The following DHX33 variants were observed in gnomAD, a reference collection of about 807,000 sequenced individuals.
DHX33 encodes the protein DEAH-box helicase 33.
A neutral mutation model predicts 72.5 loss-of-function variants in DHX33; 42 were observed. The ratio of observed to expected loss-of-function variants is 0.58; its 90% confidence interval spans 0.45 to 0.75. The LOEUF (loss-of-function observed/expected upper bound fraction) is 0.75. Ranked by LOEUF, DHX33 falls within the 30% of genes least tolerant of loss-of-function variation. DHX33 has a pLI of 0.00. For synonymous variants in DHX33, 358 were observed against 366.1 expected (o/e 0.98, Z 0.25); for missense variants, 842 against 917.5 (o/e 0.92, Z 1.06).
rs1916583497 is a variant in DHX33, at chr17:5,444,803, C to G, written c.1816-290G>C. On this transcript the variant is annotated intron_variant, in intron 11 of 11. Transcript: ENST00000225296. This position sits in a 1 kb window ranked among gnomAD's most constrained non-coding sequence, Gnocchi z 4.9. The stretch of plus-strand genomic sequence containing the variant: ...CCAGACCACAGGCAGGTTGGGTGAC[C>G]CACCCCTCACCTAAATTCCATCAGG... Among the ~76,000 whole-genome samples, 1 of 152,032 alleles carries G rather than the reference C, an allele frequency of 6.6e-6. No homozygotes were observed. The highest frequency in any genetic ancestry group is 1.5e-5 in the Non-Finnish European group (1 of 68,010).
In DHX33 at chr17:5,457,104, C is replaced by T. The variant is rs566909487; in HGVS notation, c.850-922G>A. The stretch of plus-strand genomic sequence containing the variant: ...GCCAGATCACCTGAGGTCAGGAGTT[C>T]GAGACCAGCTTGACCAACATGGTGA... On this transcript the variant is annotated intron_variant, in intron 4 of 11. Transcript: ENST00000225296. Among the ~76,000 whole-genome samples, 120 of 152,082 alleles carry T rather than the reference C, an allele frequency of 7.9e-4. 1 individual carries two copies. Among genetic ancestry groups the T allele is most frequent in the Non-Finnish European group, 9.1e-4 (62 of 67,978 alleles).
At chr17:5,455,357 C>T (rs1261432226) in intron 5 of DHX33, 86 bp from the exon 6 acceptor site, 2 of 1,073,514 alleles carry the variant, frequency 1.9e-6, no homozygotes, top group Non-Finnish European at 2.8e-6. Flanking sequence ...TTAACTTCCA[C>T]AATTCACTCT....
chr17:5,445,924 T>C (rs575535269), intron 11 of DHX33, among the ~76,000 whole-genome samples: 4 of 152,340 alleles, frequency 2.6e-5, no homozygotes, highest in South Asian at 2.1e-4. Flanking sequence ...TTGTCCTTTA[T>C]GATGGCTCTA....
rs766813867 is a variant in DHX33 at position 5,461,057 on chromosome 17, T to C, written c.731A>G (p.Asn244Ser). The C allele has an allele frequency of 2.4e-5, 38 of 1,613,632 alleles. No individual in the cohort carries two copies. The Middle Eastern group carries it at 4.9e-4, about 21-fold the overall frequency. Residue 244 changes from asparagine (N) to serine (S), a missense_variant, in exon 4 of 12, where the codon AAT (asparagine) becomes AGT (serine). Physicochemically the swap from Asn to Ser is conservative, Grantham distance 46 (BLOSUM62 1). Coordinates refer to ENST00000225296, the MANE Select transcript of DHX33 (RefSeq NM_020162.4). ...MDVDLFSQYF[N>S]GAPVLYLEGR... ...CTCTAGGTAGAGGACGGGGGCGCCA[T>C]TGAAATACTGAGAGAACAGGTCCAC... is the stretch of plus-strand genomic sequence containing the variant.
chr17:5,468,105 A>C (rs1904957430), intron 1 of DHX33, among the ~76,000 whole-genome samples: 1 of 152,078 alleles, frequency 6.6e-6, no homozygotes, highest in Non-Finnish European at 1.5e-5. Flanking sequence ...TGGGGATCAT[A>C]AGCCCCATGA....
At chr17:5,456,855 C>G (rs374251178) in intron 4 of DHX33, among the ~76,000 whole-genome samples, 1 of 152,170 alleles carries the variant, frequency 6.6e-6, no homozygotes, top group Non-Finnish European at 1.5e-5. Flanking sequence ...GGAGAAGGAG[C>G]CTTTAATGAA....
rs747326971 is a variant in DHX33, at chr17:5,444,429, C to T, written c.1900G>A (p.Glu634Lys). The part of the protein sequence containing the change: ...LAHSLFMSTA[E>K]LQPDGTYATT... ...GCATAGGTGCCATCTGGCTGAAGCT[C>T]GGCGGTGCTCATGAAGAGGCTGTGA... Residue 634 changes from glutamate (E) to lysine (K), a missense_variant, in exon 12 of 12, where the codon GAG (glutamate) becomes AAG (lysine). Transcript: ENST00000225296. This position sits in a 1 kb window ranked among gnomAD's most constrained non-coding sequence, Gnocchi z 4.9. 13 of 1,614,082 alleles carry T rather than the reference C, an allele frequency of 8.1e-6. No individual in the cohort carries two copies. Among genetic ancestry groups the T allele is most frequent in the African/African-American group, 4.0e-5 (3 of 74,920 alleles).
chr17:5,443,263 G>A lies in DHX33; in HGVS notation c.*942C>T, dbSNP rs973798974. The A allele has an allele frequency of 2.0e-4, 23 of 115,808 alleles. No individual in the cohort carries two copies. Among genetic ancestry groups the A allele is most frequent in the African/African-American group, 6.3e-4 (19 of 29,990 alleles). 7.2% of individuals were successfully genotyped at this position (115,808 alleles called of 1,614,324 possible). On this transcript the variant is annotated 3_prime_UTR_variant, in exon 12 of 12. Transcript: ENST00000225296. ...ACCCCCTCTGACCAGGGGACTGCCCGAAAAGAAACAGCTGAAATGGTACAC... is the reference window on the plus strand; with the variant it reads ...ACCCCCTCTGACCAGGGGACTGCCCAAAAAGAAACAGCTGAAATGGTACAC...
chr17:5,455,447 G>A (rs573474095), intron 5 of DHX33, among the ~76,000 whole-genome samples, 176 bp from the exon 6 acceptor site: 2 of 152,316 alleles, frequency 1.3e-5, no homozygotes, highest in South Asian at 4.1e-4. Flanking sequence ...AGGGGAAGGG[G>A]ACGCTGCAGT....
Position 5,450,360 on chromosome 17 carries a change from G to A in DHX33, c.1571C>T (p.Thr524Ile). ...GTCCACAGACAGCAGGGAGACAATG[G>A]TCAGGATCTCCTCTGTACAGTGGAA... ...PKFHCTEEIL[T>I]IVSLLSVDSV... The change falls in exon 10 of 12, where the codon ACC becomes ATC. Residue 524 changes from threonine to isoleucine, a missense_variant. Coordinates refer to ENST00000225296, the MANE Select transcript of DHX33 (RefSeq NM_020162.4). 1 of 1,614,214 alleles carries A rather than the reference G, an allele frequency of 6.2e-7. No homozygotes were observed. The highest frequency in any genetic ancestry group is 8.5e-7 in the Non-Finnish European group (1 of 1,180,050).
Position 5,468,935 on chromosome 17 carries a change from C to A in DHX33, c.-76G>T. 2 of 1,477,444 alleles carry A rather than the reference C, an allele frequency of 1.4e-6. No homozygotes were observed. Among genetic ancestry groups the A allele is most frequent in the Non-Finnish European group, 1.8e-6 (2 of 1,094,430 alleles). The allele number at this position is 1,477,444 out of a possible 1,614,324, so 91.5% of individuals were successfully genotyped here. On this transcript the variant is annotated 5_prime_UTR_variant, in exon 1 of 12. Transcript: ENST00000225296. ...CTCTCAGGTGCAGACAACAGGAGCA[C>A]ACCGCCCCTTCCTCGCCGCCACGTG...
intron 2 of DHX33, 48 bp downstream of exon 2, chr17:5,463,481 A>T (rs1451986835): frequency 1.3e-6 from 2 of 1,577,714 alleles, no homozygotes; most frequent in Non-Finnish European, 8.7e-7. Flanking sequence ...GCATGGGGAG[A>T]GAGCTGTTGA....
At chr17:5,461,574 C>T (rs1261302138) in intron 3 of DHX33, among the ~76,000 whole-genome samples, 2 of 149,818 alleles carry the variant, frequency 1.3e-5, no homozygotes, top group South Asian at 4.2e-4. Context: ...GCTGAGATCG[C>T]GTCACCACGC....
rs147557258 is a variant in DHX33 at position 5,456,418 on chromosome 17, G to A, written c.850-236C>T. The stretch of plus-strand genomic sequence containing the variant: ...ACCCAGCACTTTGGGAGGCTGAGGC[G>A]GGAGGATCGTTTGCAGCCAGGAGTT... On this transcript the variant is annotated intron_variant, in intron 4 of 11. Coordinates refer to ENST00000225296, the MANE Select transcript of DHX33 (RefSeq NM_020162.4). 3.5e-3 allele frequency among the ~76,000 whole-genome samples: 527 copies of A among 152,186 alleles called. 3 individuals are homozygous for A. Among genetic ancestry groups the A allele is most frequent in the African/African-American group, 0.012 (501 of 41,520 alleles).
At chr17:5,450,694 A>T in intron 9 of DHX33, 113 bp downstream of exon 9, 1 of 1,459,526 alleles carries the variant, frequency 6.9e-7, no homozygotes, top group Non-Finnish European at 9.3e-7. Flanking sequence ...AGGGGTTGGT[A>T]ATTATGTAAG....
Position 5,444,044 on chromosome 17 carries a change from C to A in DHX33, c.*161G>T, listed in dbSNP as rs1434702117. ...ATGATATGTCCATGTCTATATGGTT[C>A]AGTCCCAGGAGTTGAGCAAAGATGC... On this transcript the variant is annotated 3_prime_UTR_variant, in exon 12 of 12. Transcript: ENST00000225296. The surrounding 1 kb of genome is among the most constrained non-coding windows in gnomAD (Gnocchi z 4.9). 3 of 753,952 alleles carry A rather than the reference C, an allele frequency of 4.0e-6. No homozygotes were observed. The African/African-American group carries it at 5.3e-5, about 13-fold the overall frequency. 46.7% of individuals were successfully genotyped at this position (753,952 alleles called of 1,614,324 possible).
chr17:5,454,465 G>A (rs995162435), intron 6 of DHX33, among the ~76,000 whole-genome samples: 3 of 152,128 alleles, frequency 2.0e-5, no homozygotes, highest in Non-Finnish European at 1.5e-5. Flanking sequence ...GAAATAATGT[G>A]ATGTCTGTTT....
At chr17:5,455,446 G>T (rs1052617160) in intron 5 of DHX33, among the ~76,000 whole-genome samples, 175 bp from the exon 6 acceptor site, 29 of 152,162 alleles carry the variant, frequency 1.9e-4, no homozygotes, top group African/African-American at 7.0e-4. Flanking sequence ...CAGGGGAAGG[G>T]GACGCTGCAG....
At position 5,444,528 on chromosome 17, in the gene DHX33, A is replaced by G. The variant is rs1217179665; in HGVS notation, c.1816-15T>C. 6.2e-7 allele frequency: 1 copy of G among 1,609,964 alleles called. No homozygotes were observed. Among genetic ancestry groups the G allele is most frequent in the Non-Finnish European group, 8.5e-7 (1 of 1,177,582 alleles). ...GGCATTGACATCTGTTTCGGGAGAA[A>G]GCGAGGAATGGAGCCGACCCCACAC... On this transcript the variant is annotated splice_polypyrimidine_tract_variant and intron_variant, in intron 11 of 11. Transcript: ENST00000225296. This position sits in a 1 kb window ranked among gnomAD's most constrained non-coding sequence, Gnocchi z 4.9.
Sources: allele counts gnomAD v4.1 joint callset (sites outside exome capture counted in the v4.1 genomes callset), GRCh38; gene constraint gnomAD v4.1.1; non-coding constraint Gnocchi (gnomAD v3.1); transcripts MANE v1.5; gene names NCBI Gene and HGNC (gene_info 2026-07-23, HGNC 2026-07-21).